The following UST variants were observed in gnomAD, a reference collection of about 807,000 sequenced individuals.
UST encodes uronyl 2-sulfotransferase.
Under a neutral mutation model 45.6 loss-of-function variants are expected in UST, and 21 were observed. That is an observed-to-expected ratio of 0.46 (90% confidence interval 0.33 to 0.66). UST has a LOEUF of 0.66. Ranked by LOEUF, UST falls within the 30% of genes least tolerant of loss-of-function variation. The pLI is 0.02. For missense variants in UST, 463 were observed against 512.4 expected, an observed-to-expected ratio of 0.90 and a Z score of 0.93; for synonymous variants, 215 against 200.6, an observed-to-expected ratio of 1.07 and a Z score of -0.61.
rs919229224 is a variant in UST, at chr6:148,940,639, G to A, written c.292-640G>A. 4.6e-5 allele frequency among the ~76,000 whole-genome samples: 7 copies of A among 152,182 alleles called. No individual in the cohort carries two copies. The East Asian group carries it at 5.8e-4, about 13-fold the overall frequency. On this transcript the variant is annotated intron_variant, in intron 2 of 7. Transcript: ENST00000367463. ...CAGTCCTTCAAAAAATTAAACCTAC[G>A]GTTACCATATGATCCAGCAATTCCA...
intron 1 of UST, among the ~76,000 whole-genome samples, chr6:148,771,443 C>T (rs892906687): frequency 6.6e-6 from 1 of 152,194 alleles, no homozygotes. Context: ...TGTTCTGCCA[C>T]CTGCTCTGGA....
At chr6:148,770,103 G>A (rs1473845380) in intron 1 of UST, among the ~76,000 whole-genome samples, 1 of 151,866 alleles carries the variant, frequency 6.6e-6, no homozygotes, top group Non-Finnish European at 1.5e-5. Context: ...AAAAAATTGA[G>A]TGTGCTAATG....
chr6:148,966,354 A>C (rs1482720502), intron 5 of UST, among the ~76,000 whole-genome samples: 4 of 152,206 alleles, frequency 2.6e-5, no homozygotes, highest in African/African-American at 7.2e-5. Context: ...TTCTCTAATT[A>C]TCTTTATTAT....
At chr6:148,800,337 T>C (rs535590844) in intron 1 of UST, among the ~76,000 whole-genome samples, 2 of 152,370 alleles carry the variant, frequency 1.3e-5, no homozygotes, top group Admixed American at 6.5e-5. Context: ...AAGGTTCCCT[T>C]CTTTCCCTTA....
At chr6:148,855,679 G>C (rs1778190402) in intron 1 of UST, among the ~76,000 whole-genome samples, 1 of 152,176 alleles carries the variant, frequency 6.6e-6, no homozygotes, top group African/African-American at 2.4e-5. Context: ...CTTGCACACA[G>C]GTAGAAATCT....
chr6:149,014,350 A>G (rs901197820), intron 5 of UST, among the ~76,000 whole-genome samples: 1 of 152,240 alleles, frequency 6.6e-6, no homozygotes, highest in Non-Finnish European at 1.5e-5. Context: ...TTCTAAAAGA[A>G]TTCTGGCCAC....
chr6:148,813,496 G>A (rs1041991597), intron 1 of UST, among the ~76,000 whole-genome samples: 7 of 151,492 alleles, frequency 4.6e-5, no homozygotes, highest in African/African-American at 7.3e-5. Flanking sequence ...ATTCTCCTGC[G>A]TCAGCCTCCC....
At chr6:148,886,886 G>A (rs2114843539) in intron 1 of UST, 100 bp from the exon 2 acceptor site, 1 of 1,012,268 alleles carries the variant, frequency 9.9e-7, no homozygotes, top group East Asian at 2.4e-5. Flanking sequence ...TGTCTGAGCA[G>A]AAATACTGTA....
At chr6:149,061,804 A>G (rs1311727218) in intron 7 of UST, among the ~76,000 whole-genome samples, 2 of 152,230 alleles carry the variant, frequency 1.3e-5, no homozygotes, top group Non-Finnish European at 2.9e-5. Flanking sequence ...CACAGTTCAC[A>G]TTGTATCCAC....
intron 1 of UST, among the ~76,000 whole-genome samples, chr6:148,750,484 A>G (rs1397962995): frequency 1.3e-5 from 2 of 152,214 alleles, no homozygotes; most frequent in African/African-American, 2.4e-5. Flanking sequence ...CTGTATGGAA[A>G]AAATGAGGGC....
chr6:149,024,135 T>C (rs1228140985), intron 7 of UST, among the ~76,000 whole-genome samples: 1 of 152,170 alleles, frequency 6.6e-6, no homozygotes, highest in Admixed American at 6.5e-5. Context: ...GTTAAAACAG[T>C]GAAACACTTC....
At chr6:149,062,551 C>T (rs71568266) in intron 7 of UST, among the ~76,000 whole-genome samples, 1 of 152,184 alleles carries the variant, frequency 6.6e-6, no homozygotes, top group Non-Finnish European at 1.5e-5. Context: ...TCACCAGATC[C>T]TCCCAGACTT....
At chr6:148,761,633 C>CCAAT (rs1776224062) in intron 1 of UST, among the ~76,000 whole-genome samples, 1 of 152,188 alleles carries the variant, frequency 6.6e-6, no homozygotes, top group Non-Finnish European at 1.5e-5. Context: ...TGGAGAATGC[C>CCAAT]CGGCAGGGCT....
intron 5 of UST, among the ~76,000 whole-genome samples, chr6:149,008,724 A>G (rs1775755325): frequency 6.6e-6 from 1 of 152,242 alleles, no homozygotes; most frequent in Non-Finnish European, 1.5e-5. Context: ...AGATGTCTAT[A>G]TGGAAGAGAA....
At chr6:148,917,453 G>A (rs191583397) in intron 2 of UST, among the ~76,000 whole-genome samples, 4 of 152,336 alleles carry the variant, frequency 2.6e-5, no homozygotes, top group Admixed American at 2.6e-4. Flanking sequence ...TACCCCATGA[G>A]TCTTAAAAGC....
At chr6:149,062,837 A>G (rs1047144584) in intron 7 of UST, among the ~76,000 whole-genome samples, 1 of 152,218 alleles carries the variant, frequency 6.6e-6, no homozygotes, top group Non-Finnish European at 1.5e-5. Context: ...GGTACTGGGA[A>G]GATTGAGCAA....
chr6:148,790,179 C>T lies in UST; in HGVS notation c.247+42502C>T, dbSNP rs1776816467. On this transcript the variant is annotated intron_variant, in intron 1 of 7. Coordinates refer to ENST00000367463, the MANE Select transcript of UST (RefSeq NM_005715.3). The surrounding 1 kb of genome is among the most constrained non-coding windows in gnomAD (Gnocchi z 4.2). ...GACAGTGTTCATGTAGCGTCTCCTC[C>T]TAAGGCGGCAGCCTCGCTGGGTGGA... Among the ~76,000 whole-genome samples the T allele has an allele frequency of 6.6e-6, 1 of 152,100 alleles. No homozygotes were observed. The highest frequency in any genetic ancestry group is 2.4e-5 in the African/African-American group (1 of 41,420).
chr6:149,067,763 T>C (rs150412286), intron 7 of UST, among the ~76,000 whole-genome samples: 23 of 152,330 alleles, frequency 1.5e-4, no homozygotes, highest in African/African-American at 5.3e-4. Flanking sequence ...TAAGAGCCAG[T>C]ACTTTCCAGT....
chr6:148,971,363 G>GT (rs1480571515), intron 5 of UST, among the ~76,000 whole-genome samples: 1 of 152,158 alleles, frequency 6.6e-6, no homozygotes, highest in Non-Finnish European at 1.5e-5. Context: ...GAGCTAAAAT[G>GT]GACACTGTCA....
Sources: gnomAD v4.1 joint callset for allele counts (sites outside exome capture counted in the v4.1 genomes callset) on GRCh38, gnomAD v4.1.1 for gene constraint, Gnocchi (gnomAD v3.1) non-coding constraint, MANE v1.5 for transcripts, NCBI Gene and HGNC (gene_info 2026-07-23, HGNC 2026-07-21) for gene names.